The following PVT1 variants were observed in gnomAD, a reference collection of about 807,000 sequenced individuals.
PVT1 encodes the protein Pvt1 oncogene, also known as CXCR4/PVT1 fusion.
At chr8:127,995,926 C>G (rs1339229374) in intron 4 of PVT1, among the ~76,000 whole-genome samples, 2 of 151,426 alleles carry the variant, frequency 1.3e-5, no homozygotes, top group African/African-American at 4.9e-5. Flanking sequence ...AAACTTAAGG[C>G]TAATGTTTAG....
intron 3 of PVT1, among the ~76,000 whole-genome samples, chr8:127,921,112 T>G (rs1447662138): frequency 3.3e-5 from 5 of 152,104 alleles, no homozygotes; most frequent in African/African-American, 1.2e-4. Context: ...CTGCCAGAAA[T>G]TGCACGTTTT....
At chr8:127,880,490 G>A (rs1815453381) in intron 2 of PVT1, among the ~76,000 whole-genome samples, 1 of 150,324 alleles carries the variant, frequency 6.7e-6, no homozygotes, top group African/African-American at 2.5e-5. Flanking sequence ...TAGAGGTGGG[G>A]TTTCACTGTG....
At chr8:127,861,855 G>T (rs576168240) in intron 2 of PVT1, among the ~76,000 whole-genome samples, 38 of 152,274 alleles carry the variant, frequency 2.5e-4, no homozygotes, top group Admixed American at 2.4e-3. Context: ...CTAATCATCA[G>T]CCAAGTCAGT....
chr8:127,916,606 G>T (rs1392175607), intron 3 of PVT1, among the ~76,000 whole-genome samples: 1 of 152,146 alleles, frequency 6.6e-6, no homozygotes, highest in Admixed American at 6.5e-5. Context: ...CTGGATTTTG[G>T]CTGCATTTTC....
At chr8:128,074,347 A>G (rs1000291189) in intron 5 of PVT1, among the ~76,000 whole-genome samples, 7 of 131,556 alleles carry the variant, frequency 5.3e-5, no homozygotes, top group African/African-American at 1.1e-4. Context: ...TCTACTAAAA[A>G]TGAAAAAATA....
intron 2 of PVT1, among the ~76,000 whole-genome samples, chr8:127,829,386 C>T (rs1227764444): frequency 1.3e-5 from 2 of 152,136 alleles, no homozygotes; most frequent in Non-Finnish European, 2.9e-5. Flanking sequence ...GTTTTAAGGC[C>T]CCAGTGCCTT....
At chr8:127,909,655 C>T (rs954828931) in intron 3 of PVT1, among the ~76,000 whole-genome samples, 22 of 152,240 alleles carry the variant, frequency 1.4e-4, no homozygotes, top group African/African-American at 5.3e-4. Context: ...GCTTTGGTCC[C>T]ACTGTCATGG....
chr8:128,087,053 A>G (rs562099118), intron 5 of PVT1, among the ~76,000 whole-genome samples: 1 of 152,316 alleles, frequency 6.6e-6, no homozygotes, highest in African/African-American at 2.4e-5. Context: ...AGTGCCCAAT[A>G]TTGTTTACTG....
At chr8:128,092,387 C>T (rs1473621963) in intron 5 of PVT1, among the ~76,000 whole-genome samples, 1 of 152,190 alleles carries the variant, frequency 6.6e-6, no homozygotes, top group East Asian at 1.9e-4. Context: ...TGATCCAGCC[C>T]ACCTCCCAGT....
chr8:127,838,555 C>T (rs1386914035), intron 2 of PVT1, among the ~76,000 whole-genome samples: 1 of 151,986 alleles, frequency 6.6e-6, no homozygotes, highest in African/African-American at 2.4e-5. Context: ...AAATACAAAA[C>T]TTAGCTGGGT....
intron 3 of PVT1, among the ~76,000 whole-genome samples, chr8:127,958,642 G>A (rs1271735716): frequency 6.6e-6 from 1 of 152,178 alleles, no homozygotes; most frequent in Non-Finnish European, 1.5e-5. Context: ...AGAAAGTCAG[G>A]CGCCAGAGGT....
At chr8:127,871,095 C>G (rs1815346723) in intron 2 of PVT1, among the ~76,000 whole-genome samples, 1 of 152,206 alleles carries the variant, frequency 6.6e-6, no homozygotes, top group African/African-American at 2.4e-5. Flanking sequence ...CATGCCCTGT[C>G]TACCTCCTCT....
intron 2 of PVT1, among the ~76,000 whole-genome samples, chr8:127,836,859 G>C (rs576339266): frequency 6.6e-6 from 1 of 152,108 alleles, no homozygotes; most frequent in Non-Finnish European, 1.5e-5. Context: ...GCACTGCACC[G>C]AGAGGGGCTG....
intron 2 of PVT1, among the ~76,000 whole-genome samples, chr8:127,810,046 C>G (rs1814575062): frequency 6.6e-6 from 1 of 152,218 alleles, no homozygotes; most frequent in Non-Finnish European, 1.5e-5. Context: ...ATAAGGCTGC[C>G]TTCCCTGAGA....
chr8:128,083,617 C>T (rs2648889), intron 5 of PVT1, among the ~76,000 whole-genome samples: 40,211 of 152,176 alleles, frequency 0.26, 5,690 homozygotes, highest in East Asian at 0.46. Flanking sequence ...TCCTGGCAGC[C>T]GCCTTTGAAG....
At chr8:127,953,393 A>C (rs938253014) in intron 3 of PVT1, among the ~76,000 whole-genome samples, 1 of 151,774 alleles carries the variant, frequency 6.6e-6, no homozygotes, top group Non-Finnish European at 1.5e-5. Context: ...CTCAAACCCC[A>C]CTCTTGTCTC....
At chr8:128,071,358 A>C (rs1231199300) in intron 5 of PVT1, among the ~76,000 whole-genome samples, 1 of 152,124 alleles carries the variant, frequency 6.6e-6, no homozygotes, top group Non-Finnish European at 1.5e-5. Flanking sequence ...TGGATGCCAT[A>C]GTAACCTTGT....
chr8:127,906,868 C>T (rs1398557012), intron 3 of PVT1, among the ~76,000 whole-genome samples: 1 of 151,902 alleles, frequency 6.6e-6, no homozygotes, highest in Non-Finnish European at 1.5e-5. Context: ...CTTCATTTTA[C>T]AGATGTGAAA....
intron 2 of PVT1, among the ~76,000 whole-genome samples, chr8:127,810,924 G>C (rs1814587325): frequency 6.6e-6 from 1 of 152,058 alleles, no homozygotes; most frequent in African/African-American, 2.4e-5. Context: ...CCATGTGTGT[G>C]AGTTCTCACA....
Sources: allele counts gnomAD v4.1 joint callset (sites outside exome capture counted in the v4.1 genomes callset), GRCh38; gene constraint gnomAD v4.1.1; transcripts MANE v1.5; gene names NCBI Gene and HGNC (gene_info 2026-07-23, HGNC 2026-07-21).